The following CLVS1 variants were observed in gnomAD, a reference collection of about 807,000 sequenced individuals.
The protein encoded by CLVS1 is clavesin-1.
Under a neutral mutation model 33.1 loss-of-function variants are expected in CLVS1, and 10 were observed. The observed-to-expected ratio is 0.30, with a 90% CI of 0.19 to 0.51. CLVS1 has a LOEUF of 0.51. CLVS1 is among the 20% of genes least tolerant of loss of function. CLVS1 has a pLI of 0.97. For missense variants in CLVS1, 343 were observed against 433.4 expected, an observed-to-expected ratio of 0.79 and a Z score of 1.85; for synonymous variants, 163 against 166.1, an observed-to-expected ratio of 0.98 and a Z score of 0.14.
intron 2 of CLVS1, among the ~76,000 whole-genome samples, chr8:61,166,031 G>GTTTTTTGTT (rs1554541685): frequency 1.7e-4 from 18 of 108,376 alleles, no homozygotes; most frequent in African/African-American, 4.2e-4. Context: ...GCATCTAAGC[G>GTTTTTTGTT]TTTTTTTTTT....
chr8:61,481,898 C>G (rs1044353355), intron 5 of CLVS1, among the ~76,000 whole-genome samples: 1 of 152,220 alleles, frequency 6.6e-6, no homozygotes, highest in Admixed American at 6.5e-5. Flanking sequence ...CAGTCTGCCT[C>G]CTCAAGTGGG....
chr8:61,064,808 T>C (rs989956065), intron 1 of CLVS1, among the ~76,000 whole-genome samples: 3 of 152,056 alleles, frequency 2.0e-5, no homozygotes, highest in Admixed American at 2.0e-4. Context: ...TTCACACCAT[T>C]CTCTTGCCTC....
chr8:61,468,410 C>T (rs1817627414), intron 5 of CLVS1, among the ~76,000 whole-genome samples: 2 of 152,158 alleles, frequency 1.3e-5, no homozygotes, highest in Non-Finnish European at 1.5e-5. Context: ...AGCTAAGGTA[C>T]TGAGAAGTTC....
intron 2 of CLVS1, among the ~76,000 whole-genome samples, chr8:61,359,589 T>C (rs926076868): frequency 2.0e-5 from 3 of 152,018 alleles, no homozygotes; most frequent in Non-Finnish European, 2.9e-5. Context: ...CTCCTGGCCT[T>C]GGGTGATCCA....
At chr8:61,407,497 A>G (rs1437670427) in intron 3 of CLVS1, among the ~76,000 whole-genome samples, 2 of 152,238 alleles carry the variant, frequency 1.3e-5, no homozygotes, top group Non-Finnish European at 2.9e-5. Flanking sequence ...CTATTTTCAC[A>G]CTTATAAAAA....
At chr8:61,090,995 C>CT (rs1335193129) in intron 1 of CLVS1, 6 of 489,234 alleles carry the variant, frequency 1.2e-5, no homozygotes, top group Admixed American at 2.2e-5. Context: ...CATGCCCCCC[C>CT]ACCAATACAT....
At chr8:61,466,037 G>A (rs189210760) in intron 5 of CLVS1, among the ~76,000 whole-genome samples, 6 of 152,232 alleles carry the variant, frequency 3.9e-5, no homozygotes, top group African/African-American at 1.4e-4. Context: ...TCTGTTCTTA[G>A]GAGTGTATGT....
At chr8:61,271,895 G>C (rs1011829427) in intron 2 of CLVS1, among the ~76,000 whole-genome samples, 2 of 150,530 alleles carry the variant, frequency 1.3e-5, no homozygotes, top group Non-Finnish European at 3.0e-5. Context: ...CTTTTATTTT[G>C]AGCCTGTGTG....
chr8:61,153,251 A>C (rs1248620605), intron 2 of CLVS1, among the ~76,000 whole-genome samples: 3 of 152,264 alleles, frequency 2.0e-5, no homozygotes, highest in Non-Finnish European at 4.4e-5. Context: ...ATCGTAAATA[A>C]GGACTTGAAA....
At chr8:61,086,035 CAAAAAAAAAAAAAAAAAAAAAAAAAA>C (rs4033854) in intron 1 of CLVS1, among the ~76,000 whole-genome samples, 18 of 31,246 alleles carry the variant, frequency 5.8e-4, no homozygotes, top group Admixed American at 2.5e-3. Context: ...GACTCCCTCT[CAAAAAAAAAAAAAAAAAAAAAAAAAA>C]AAAAAAAAAA....
At chr8:61,319,183 T>C (rs538359996) in intron 2 of CLVS1, among the ~76,000 whole-genome samples, 57 of 152,290 alleles carry the variant, frequency 3.7e-4, no homozygotes, top group African/African-American at 1.4e-3. Flanking sequence ...CATAAGCTCA[T>C]TGTGGTGGGA....
At chr8:60,998,511 A>G in the CLVS1 span, among the ~76,000 whole-genome samples, 47,591 of 151,970 alleles carry the variant, frequency 0.31, 8,041 homozygotes, top group African/African-American at 0.42. Context: ...TTTGGCTACC[A>G]TCACACTTGG....
chr8:61,262,061 G>T (rs1269196471), intron 2 of CLVS1, among the ~76,000 whole-genome samples: 2 of 150,666 alleles, frequency 1.3e-5, no homozygotes, highest in Non-Finnish European at 3.0e-5. Flanking sequence ...TGTTGCTCAG[G>T]TTGGAATGCA....
chr8:61,350,938 T>A (rs1224668867), intron 2 of CLVS1, among the ~76,000 whole-genome samples: 1 of 152,034 alleles, frequency 6.6e-6, no homozygotes, highest in Non-Finnish European at 1.5e-5. Context: ...CTGGGGTGTA[T>A]GGAAGGTTGG....
intron 2 of CLVS1, among the ~76,000 whole-genome samples, chr8:61,246,108 C>G (rs1808801696): frequency 6.8e-6 from 1 of 146,740 alleles, no homozygotes; most frequent in African/African-American, 2.5e-5. Flanking sequence ...AGTAATTTAT[C>G]TCTTCCAAGA....
chr8:61,157,333 A>T (rs1442935616), intron 2 of CLVS1, among the ~76,000 whole-genome samples: 1 of 152,240 alleles, frequency 6.6e-6, no homozygotes, highest in Non-Finnish European at 1.5e-5. Flanking sequence ...AGATAACTGA[A>T]TATTCATATA....
intron 5 of CLVS1, among the ~76,000 whole-genome samples, chr8:61,463,573 T>C (rs937086963): frequency 3.3e-5 from 5 of 152,170 alleles, no homozygotes; most frequent in African/African-American, 1.2e-4. Flanking sequence ...AATACTGTTG[T>C]GTCTCAAGGA....
At chr8:61,036,158 G>A in the CLVS1 span, among the ~76,000 whole-genome samples, 2 of 152,368 alleles carry the variant, frequency 1.3e-5, no homozygotes, top group East Asian at 3.9e-4. Context: ...AGGAGACAGT[G>A]AACTAGAGCA....
intron 3 of CLVS1, among the ~76,000 whole-genome samples, chr8:61,385,957 C>A (rs111792049): frequency 0.026 from 4,017 of 152,226 alleles, 159 homozygotes; most frequent in African/African-American, 0.091. Flanking sequence ...AGGAGGTAGA[C>A]ATTTGAGGGA....
Sources: allele counts gnomAD v4.1 joint callset (sites outside exome capture counted in the v4.1 genomes callset), GRCh38; gene constraint gnomAD v4.1.1; transcripts MANE v1.5; gene names NCBI Gene and HGNC (gene_info 2026-07-23, HGNC 2026-07-21).